CEP126: variants seen among roughly 807,000 people sequenced by gnomAD.
CEP126 encodes the protein centrosomal protein 126.
Under a neutral mutation model 107.8 loss-of-function variants are expected in CEP126, and 74 were observed. The observed-to-expected ratio is 0.69, with a 90% CI of 0.57 to 0.83. The LOEUF is 0.83. CEP126 is among the 40% of genes least tolerant of loss of function. CEP126 has a pLI of 0.00. For synonymous variants in CEP126, 449 were observed against 446.0 expected (o/e 1.01, Z -0.08); for missense variants, 1,237 against 1,281.9 (o/e 0.96, Z 0.53).
intron 6 of CEP126, among the ~76,000 whole-genome samples, chr11:101,974,114 C>T (rs1237561455): frequency 6.6e-6 from 1 of 151,758 alleles, no homozygotes; most frequent in Non-Finnish European, 1.5e-5. Context: ...AGGCAGATAC[C>T]TGTTTTGATA....
chr11:101,995,175 G>C (rs1168833765), intron 10 of CEP126, among the ~76,000 whole-genome samples: 6 of 151,922 alleles, frequency 3.9e-5, no homozygotes, highest in Non-Finnish European at 8.8e-5. Context: ...CTTGGCACTG[G>C]GTTCTGGTAA....
intron 2 of CEP126, among the ~76,000 whole-genome samples, chr11:101,938,752 C>T (rs2137091788): frequency 6.6e-6 from 1 of 152,122 alleles, no homozygotes; most frequent in Admixed American, 6.5e-5. Context: ...TTAACAAATT[C>T]AGTATGCTGT....
Position 101,915,365 on chromosome 11 carries a change from C to T in CEP126, c.81C>T (p.Pro27=). The T allele has an allele frequency of 6.2e-7, 1 of 1,613,940 alleles. No individual in the cohort carries two copies. Among genetic ancestry groups the T allele is most frequent in the South Asian group, 1.1e-5 (1 of 91,080 alleles). Residue 27 remains proline, a synonymous_variant, in exon 1 of 11, where the codon CCC becomes CCT. Transcript: ENST00000263468. Reference sequence around the variant, plus strand: ...CATCGGACAACCTCGACAGAGCCCCCCTCGGCCCTCGGGAGAGCGGCGGGC... The same window carrying T: ...CATCGGACAACCTCGACAGAGCCCCTCTCGGCCCTCGGGAGAGCGGCGGGC... The part of the protein sequence containing the change: ...TESSDNLDRA[P]LGPRESGGHH...
chr11:101,985,264 T>C (rs1248286668), intron 8 of CEP126, among the ~76,000 whole-genome samples: 11 of 152,032 alleles, frequency 7.2e-5, no homozygotes, highest in Admixed American at 6.6e-4. Flanking sequence ...GTATAAGGTA[T>C]ATATGAAACA....
At chr11:101,982,949 A>G (rs1941274113) in intron 8 of CEP126, among the ~76,000 whole-genome samples, 1 of 152,186 alleles carries the variant, frequency 6.6e-6, no homozygotes, top group Admixed American at 6.5e-5. Context: ...AGATCCTCTC[A>G]GCCCTCTTCA....
Position 101,938,171 on chromosome 11 carries a change from A to AAAAAAAAAAAAAC in CEP126, c.249-6089_249-6088insAAAAAAACAAAAA, listed in dbSNP as rs1307777067. ...CGAGACTCTGTCTCAAAAAAAAAAAAAAAAATACAAGAAATTGGTCCATTT... is the reference window on the plus strand; with the variant it reads ...CGAGACTCTGTCTCAAAAAAAAAAAAAAAAAAAAAAAACAAAAATACAAGAAATTGGTCCATTT... On this transcript the variant is annotated intron_variant, in intron 2 of 10. Coordinates refer to ENST00000263468, the MANE Select transcript of CEP126 (RefSeq NM_020802.4). Among the ~76,000 whole-genome samples the AAAAAAAAAAAAAC allele has an allele frequency of 4.8e-4, 69 of 144,592 alleles. 1 individual carries two copies. The highest frequency in any genetic ancestry group is 1.7e-3 in the African/African-American group (68 of 39,296). 94.9% of individuals were successfully genotyped at this position (144,592 alleles called of 152,430 possible). A position where few individuals can be genotyped will look rare whatever the true frequency, so the allele number is the denominator to read the frequency against.
chr11:101,921,721 A>C (rs1238788414), intron 1 of CEP126, among the ~76,000 whole-genome samples: 13 of 149,838 alleles, frequency 8.7e-5, no homozygotes, highest in South Asian at 4.2e-4. Context: ...AAAAAAAAAA[A>C]AAAACTGTGT....
intron 3 of CEP126, among the ~76,000 whole-genome samples, chr11:101,945,922 A>G (rs117329220): frequency 1.1e-4 from 17 of 152,268 alleles, no homozygotes; most frequent in Non-Finnish European, 1.9e-4. Flanking sequence ...GGGAAAATGC[A>G]TATTAGGTGG....
At chr11:101,960,637 A>G (rs1940957742) in intron 5 of CEP126, among the ~76,000 whole-genome samples, 1 of 152,102 alleles carries the variant, frequency 6.6e-6, no homozygotes, top group African/African-American at 2.4e-5. Flanking sequence ...ACAATACTAA[A>G]TCAATAAGAA....
intron 7 of CEP126, among the ~76,000 whole-genome samples, chr11:101,979,035 G>A (rs1183906585): frequency 1.3e-5 from 2 of 152,106 alleles, no homozygotes; most frequent in Non-Finnish European, 2.9e-5. Flanking sequence ...AGGAGGCTGA[G>A]GCAGGAGAAT....
At chr11:101,992,996 G>C in intron 10 of CEP126, 154 bp downstream of exon 10, 1 of 437,568 alleles carries the variant, frequency 2.3e-6, no homozygotes, top group Non-Finnish European at 3.0e-6. Flanking sequence ...TTATAAGACT[G>C]TTCATTAGAA....
chr11:101,919,954 T>C (rs954385750), intron 1 of CEP126, among the ~76,000 whole-genome samples: 1 of 152,232 alleles, frequency 6.6e-6, no homozygotes, highest in African/African-American at 2.4e-5. Flanking sequence ...GAAGTCTGGC[T>C]CTTGTTAAAA....
intron 4 of CEP126, chr11:101,956,920 A>C: frequency 2.9e-6 from 1 of 350,830 alleles, no homozygotes; most frequent in Non-Finnish European, 5.6e-6. Flanking sequence ...TAGAGAAGAA[A>C]GTTGAGACAC....
Position 101,915,144 on chromosome 11 carries a change from G to A in CEP126, c.-141G>A. Reference sequence around the variant, plus strand: ...GTGCCGCTGCGCGGGAGCTAGGGCTGTCGAGGCCAACCCTTCCGCGCCCGT... The same window carrying A: ...GTGCCGCTGCGCGGGAGCTAGGGCTATCGAGGCCAACCCTTCCGCGCCCGT... On this transcript the variant is annotated 5_prime_UTR_variant, in exon 1 of 11. Coordinates refer to ENST00000263468, the MANE Select transcript of CEP126 (RefSeq NM_020802.4). The A allele has an allele frequency of 7.6e-7, 1 of 1,323,650 alleles. No individual in the cohort carries two copies. Among genetic ancestry groups the A allele is most frequent in the Non-Finnish European group, 1.0e-6 (1 of 970,558 alleles). 82.0% of individuals were successfully genotyped at this position (1,323,650 alleles called of 1,614,324 possible).
In CEP126 at chr11:101,948,042, C is replaced by G. The variant is rs762770188; in HGVS notation, c.406C>G (p.Pro136Ala). Residue 136 changes from proline to alanine, a missense_variant, in exon 4 of 11, where the codon CCA becomes GCA. Physicochemically the swap from Pro to Ala is conservative, Grantham distance 27. Transcript: ENST00000263468. ...TATTATCTCTTTAGTTTCCCGAAAA[C>G]CAGTTCCTCCATTAGAAGAGGCCCT... ...SQRRKAVSRKPVPPLEEALKQ... is the reference protein window; with the variant it reads ...SQRRKAVSRKAVPPLEEALKQ... 1.7e-5 allele frequency: 27 copies of G among 1,607,586 alleles called. No homozygotes were observed. The highest frequency in any genetic ancestry group is 2.1e-5 in the Non-Finnish European group (25 of 1,175,380).
chr11:101,985,797 G>A (rs1242891042), intron 8 of CEP126, among the ~76,000 whole-genome samples: 1 of 152,068 alleles, frequency 6.6e-6, no homozygotes, highest in Non-Finnish European at 1.5e-5. Context: ...AAATAAACAT[G>A]TTTTATTTAG....
intron 2 of CEP126, among the ~76,000 whole-genome samples, chr11:101,924,788 GA>G (rs1455195357): frequency 3.9e-5 from 6 of 151,934 alleles, no homozygotes; most frequent in African/African-American, 1.4e-4. Flanking sequence ...TCTTCAGGTA[GA>G]GACAGTCTCC....
In CEP126 at chr11:101,961,868, G is replaced by A. The variant is rs375546304; in HGVS notation, c.833G>A (p.Arg278Gln). Residue 278 changes from arginine to glutamine, a missense_variant, in exon 6 of 11, where the codon CGG becomes CAG. Arg to Gln is a conservative substitution (Grantham distance 43). Around this residue, in one of 3 missense-constraint regions of CEP126, gnomAD observed 1,134 missense variants for 1,150.5 expected, o/e 0.99. Coordinates refer to ENST00000263468, the MANE Select transcript of CEP126 (RefSeq NM_020802.4). ...AAGGAGCATTCCACATCCATCCAGC[G>A]GAATACCATTTCCCTCAAACCAGCA... ...LNKEHSTSIQRNTISLKPANM... is the reference protein window; with the variant it reads ...LNKEHSTSIQQNTISLKPANM... 3.8e-5 allele frequency: 61 copies of A among 1,612,230 alleles called. No individual in the cohort carries two copies. In the Middle Eastern group the frequency reaches 4.9e-4, roughly 13 times the overall value.
At position 101,985,988 on chromosome 11, in the gene CEP126, A is replaced by ATTTT. The variant is rs773628925; in HGVS notation, c.3035-841_3035-840insTTTT. On this transcript the variant is annotated intron_variant, in intron 8 of 10. Transcript: ENST00000263468. ...CAGTGGGAAGTAAAACTCTGAATTGATTTCTTTTTTTTTTTTTTTTTTTTG... is the reference window on the plus strand; with the variant it reads ...CAGTGGGAAGTAAAACTCTGAATTGATTTTTTTCTTTTTTTTTTTTTTTTTTTTG... Among the ~76,000 whole-genome samples, 736 of 126,368 alleles carry ATTTT rather than the reference A, an allele frequency of 5.8e-3. 42 individuals are homozygous for ATTTT. Among genetic ancestry groups the ATTTT allele is most frequent in the East Asian group, 0.048 (177 of 3,708 alleles). 82.9% of individuals were successfully genotyped at this position (126,368 alleles called of 152,430 possible). A position where few individuals can be genotyped will look rare whatever the true frequency, so the allele number is the denominator to read the frequency against.
Sources: allele counts gnomAD v4.1 joint callset (sites outside exome capture counted in the v4.1 genomes callset), GRCh38; gene constraint gnomAD v4.1.1; regional missense constraint gnomAD v4.1.1; transcripts MANE v1.5; gene names NCBI Gene and HGNC (gene_info 2026-07-23, HGNC 2026-07-21).